The following ZNF407 variants were observed in gnomAD, a reference collection of about 807,000 sequenced individuals.
ZNF407 encodes zinc finger protein 407.
ZNF407 carries 17 observed loss-of-function variants against 131.2 expected under a neutral mutation model. The observed-to-expected ratio is 0.13, with a 90% confidence interval of 0.09 to 0.19. ZNF407 has a LOEUF of 0.19. Ranked by LOEUF, ZNF407 falls within the 10% of genes least tolerant of loss-of-function variation. The pLI is 1.00. For missense variants in ZNF407, 2,681 were observed against 2,830.6 expected, an observed-to-expected ratio of 0.95 and a Z score of 1.20; for synonymous variants, 1,156 against 1,062.0, an observed-to-expected ratio of 1.09 and a Z score of -1.72.
intron 8 of ZNF407, among the ~76,000 whole-genome samples, chr18:74,970,709 T>G (rs1325408487): frequency 5.3e-5 from 8 of 152,114 alleles, no homozygotes; most frequent in Non-Finnish European, 1.2e-4. Flanking sequence ...TGGTGTTGAG[T>G]GTCTGTGGCA....
At chr18:74,612,598 A>G (rs1299414468) in intron 1 of ZNF407, among the ~76,000 whole-genome samples, 1 of 152,140 alleles carries the variant, frequency 6.6e-6, no homozygotes, top group African/African-American at 2.4e-5. Flanking sequence ...GAAAAAGAAG[A>G]CTGGATTCGA....
chr18:74,650,927 G>A (rs1274005882), intron 3 of ZNF407, among the ~76,000 whole-genome samples: 1 of 151,094 alleles, frequency 6.6e-6, no homozygotes, highest in East Asian at 1.9e-4. Flanking sequence ...CTATATATGT[G>A]TGTGTGTGTC....
intron 4 of ZNF407, among the ~76,000 whole-genome samples, chr18:74,859,781 C>G (rs569466939): frequency 6.6e-6 from 1 of 152,182 alleles, no homozygotes; most frequent in African/African-American, 2.4e-5. Flanking sequence ...GGCCCTGTGT[C>G]CTATTTATCT....
chr18:75,008,097 G>T (rs963414267), intron 8 of ZNF407, among the ~76,000 whole-genome samples: 2 of 152,176 alleles, frequency 1.3e-5, no homozygotes, highest in African/African-American at 4.8e-5. Context: ...GGAGTGAATT[G>T]GGAAGTTCAC....
chr18:74,617,087 CCATGCACCAACACATCCAT>C (rs1983339207), intron 1 of ZNF407, among the ~76,000 whole-genome samples: 1 of 104,070 alleles, frequency 9.6e-6, no homozygotes, highest in Non-Finnish European at 2.2e-5. Flanking sequence ...ACATCCATAT[CCATGCACCAACACATCCAT>C]ATCCACACAC....
chr18:74,808,595 G>A (rs1414837093), intron 4 of ZNF407, among the ~76,000 whole-genome samples: 1 of 152,160 alleles, frequency 6.6e-6, no homozygotes, highest in Non-Finnish European at 1.5e-5. Flanking sequence ...AAATGTTACT[G>A]AGATACTATA....
At chr18:74,935,585 C>T (rs1258196541) in intron 8 of ZNF407, among the ~76,000 whole-genome samples, 2 of 152,178 alleles carry the variant, frequency 1.3e-5, no homozygotes, top group South Asian at 4.1e-4. Context: ...ATAGTGTGTG[C>T]TACGGGGTGG....
At chr18:74,663,204 G>T (rs889687125) in intron 3 of ZNF407, among the ~76,000 whole-genome samples, 2 of 152,074 alleles carry the variant, frequency 1.3e-5, no homozygotes, top group African/African-American at 4.8e-5. Flanking sequence ...TAAGGGCATC[G>T]TGCTTGGGAA....
chr18:74,887,071 A>G (rs777595801), intron 6 of ZNF407, among the ~76,000 whole-genome samples: 4 of 152,176 alleles, frequency 2.6e-5, no homozygotes, highest in Admixed American at 6.5e-5. Flanking sequence ...TAAATGAACA[A>G]ATCTTATAAA....
rs778606919 is a variant in ZNF407 at position 74,889,922 on chromosome 18, A to G, written c.5133A>G (p.Glu1711=). The change falls in exon 7 of 9, where the codon GAA becomes GAG. Residue 1711 remains glutamate (E), a synonymous_variant. Coordinates refer to ENST00000299687, the MANE Select transcript of ZNF407 (RefSeq NM_017757.3). ...ACATTTCTTGATATATTACAGGAGAAAAACCTTTCAAGTGCGATGAGTGTA... is the reference window on the plus strand; with the variant it reads ...ACATTTCTTGATATATTACAGGAGAGAAACCTTTCAAGTGCGATGAGTGTA... The part of the protein sequence containing the change: ...LTKHRRQHTG[E]KPFKCDECNF... 2 of 1,607,148 alleles carry G rather than the reference A, an allele frequency of 1.2e-6. No homozygotes were observed. Among genetic ancestry groups the G allele is most frequent in the East Asian group, 4.5e-5 (2 of 44,786 alleles).
intron 8 of ZNF407, among the ~76,000 whole-genome samples, chr18:74,989,757 C>A (rs1035930837): frequency 6.6e-6 from 1 of 151,616 alleles, no homozygotes; most frequent in African/African-American, 2.4e-5. Context: ...GCAGGAGAAT[C>A]GCTTGAACCC....
Position 74,881,086 on chromosome 18 carries a change from C to G in ZNF407, c.5095C>G (p.His1699Asp). The change falls in exon 6 of 9, where the codon CAC (histidine) becomes GAC (aspartate). Residue 1699 changes from histidine to aspartate, a missense_variant. Coordinates refer to ENST00000299687, the MANE Select transcript of ZNF407 (RefSeq NM_017757.3). ...CTGCGGCTTTGCCGGCGGGACCCGCCACGCCCTCACCAAGCATCGCAGACA... is the reference window on the plus strand; with the variant it reads ...CTGCGGCTTTGCCGGCGGGACCCGCGACGCCCTCACCAAGCATCGCAGACA... ...DLCGFAGGTR[H>D]ALTKHRRQHT... The G allele has an allele frequency of 6.3e-7, 1 of 1,581,706 alleles. No individual in the cohort carries two copies. The highest frequency in any genetic ancestry group is 8.6e-7 in the Non-Finnish European group (1 of 1,163,362).
rs767245672 is a variant in ZNF407 at position 74,635,263 on chromosome 18, G to T, written c.4244G>T (p.Arg1415Leu). ...TCCATTGGTGAGTCTACACGAATTC[G>T]CTGTGATGATTGTGGCTTCTTAGCA... The part of the protein sequence containing the change: ...GSSIGESTRI[R>L]CDDCGFLADG... Residue 1415 changes from arginine (R) to leucine (L), a missense_variant, in exon 2 of 9, where the codon CGC becomes CTC. Around this residue, in one of 6 missense-constraint regions of ZNF407, gnomAD observed 1,789 missense variants for 1,748.7 expected, o/e 1.02. Coordinates refer to ENST00000299687, the MANE Select transcript of ZNF407 (RefSeq NM_017757.3). This position sits in a 1 kb window ranked among gnomAD's most constrained non-coding sequence, Gnocchi z 4.7. 2 of 1,613,992 alleles carry T rather than the reference G, an allele frequency of 1.2e-6. No individual in the cohort carries two copies.
At chr18:74,757,809 G>A (rs1448633056) in intron 3 of ZNF407, among the ~76,000 whole-genome samples, 2 of 152,046 alleles carry the variant, frequency 1.3e-5, no homozygotes, top group African/African-American at 4.8e-5. Flanking sequence ...TTATTTTGGA[G>A]GCTTTGTTAT....
intron 6 of ZNF407, among the ~76,000 whole-genome samples, chr18:74,884,037 C>G (rs1263543651): frequency 1.3e-5 from 2 of 152,092 alleles, no homozygotes; most frequent in African/African-American, 4.8e-5. Flanking sequence ...ATCCGTTTGC[C>G]TTTAAAATGA....
chr18:74,600,297 G>A (rs1982524160), intron 1 of ZNF407, among the ~76,000 whole-genome samples: 1 of 152,188 alleles, frequency 6.6e-6, no homozygotes, highest in Admixed American at 6.5e-5. Flanking sequence ...TGGCTGGCTG[G>A]GGCCACATCC....
At chr18:74,724,141 T>C (rs9966343) in intron 3 of ZNF407, among the ~76,000 whole-genome samples, 12,516 of 152,224 alleles carry the variant, frequency 0.082, 682 homozygotes, top group African/African-American at 0.15. Flanking sequence ...ATATAATTCT[T>C]TTGGTATTAG....
At chr18:74,954,670 C>A (rs1972255309) in intron 8 of ZNF407, among the ~76,000 whole-genome samples, 1 of 151,982 alleles carries the variant, frequency 6.6e-6, no homozygotes, top group South Asian at 2.1e-4. Context: ...TTTATATAAC[C>A]CACATATTTT....
intron 3 of ZNF407, among the ~76,000 whole-genome samples, chr18:74,657,103 TTAAG>T: frequency 6.6e-6 from 1 of 151,878 alleles, no homozygotes; most frequent in South Asian, 2.1e-4. Flanking sequence ...TTTTTTTAAT[TTAAG>T]TGTCTGTGTA....
Sources: allele counts gnomAD v4.1 joint callset (sites outside exome capture counted in the v4.1 genomes callset), GRCh38; gene constraint gnomAD v4.1.1; regional missense constraint gnomAD v4.1.1; non-coding constraint Gnocchi (gnomAD v3.1); transcripts MANE v1.5; gene names NCBI Gene and HGNC (gene_info 2026-07-23, HGNC 2026-07-21).